Variants in PEX6 observed in about 807,000 individuals in gnomAD.
PEX6 encodes the protein peroxisome biogenesis factor 6.
In PEX6, 55 loss-of-function variants were observed where a neutral mutation model predicts 85.6. That is an observed-to-expected ratio of 0.64 (90% CI 0.52 to 0.80). The LOEUF (loss-of-function observed/expected upper bound fraction) is 0.80, where lower values mean the gene tolerates loss of function less well. Among genes scored for constraint, PEX6 ranks in the 30% least tolerant of loss-of-function variants. The pLI is 0.00. For synonymous variants in PEX6, 519 were observed against 549.1 expected (o/e 0.95, Z 0.77); for missense variants, 1,099 against 1,260.3 (o/e 0.87, Z 1.94).
rs267608228 is a variant in PEX6 at position 42,966,785 on chromosome 6, G to C, written c.1958C>G (p.Ser653Ter). Residue 653 changes from serine to a stop codon, truncating the protein, a stop_gained, in exon 9 of 17, where the codon TCA becomes TGA. Transcript: ENST00000304611. LOFTEE classifies it high-confidence loss of function. ...TCCGGTGCCCACGTCCTCTTACCCT[G>C]AGTTCTTGATCCTGGTGCAGGCTGC... is the stretch of plus-strand genomic sequence containing the variant. ...SRAACTRIKN[S>*]GLAGGLTEED... is the part of the protein sequence containing the mutation. The C allele has an allele frequency of 1.9e-6, 3 of 1,613,828 alleles. No individual in the cohort carries two copies. Among genetic ancestry groups the C allele is most frequent in the Non-Finnish European group, 2.5e-6 (3 of 1,179,970 alleles).
Position 42,966,285 on chromosome 6 carries a change from G to A in PEX6, c.2257C>T (p.Leu753=), listed in dbSNP as rs771551469. Residue 753 remains leucine (L), a synonymous_variant, in exon 11 of 17, where the codon CTG becomes TTG. Coordinates refer to ENST00000304611, the MANE Select transcript of PEX6 (RefSeq NM_000287.4). The stretch of plus-strand genomic sequence containing the variant: ...CACTCAGTGGCTACTGCCTTGGCCA[G>A]AAGGGTCTTGCCGGTGCCAGGGGGC... The part of the protein sequence containing the change: ...HGPPGTGKTL[L]AKAVATECSL... 5 of 1,612,364 alleles carry A rather than the reference G, an allele frequency of 3.1e-6. No individual in the cohort carries two copies. Among genetic ancestry groups the A allele is most frequent in the Non-Finnish European group, 4.2e-6 (5 of 1,179,964 alleles).
rs979697347 is a variant in PEX6, at chr6:42,964,388, C to T, written c.2890G>A (p.Glu964Lys). 3.7e-6 allele frequency: 6 copies of T among 1,613,884 alleles called. No individual in the cohort carries two copies. The highest frequency in any genetic ancestry group is 5.1e-6 in the Non-Finnish European group (6 of 1,180,022). Residue 964 changes from glutamate to lysine, a missense_variant, in exon 17 of 17, where the codon GAG (glutamate) becomes AAG (lysine). Physicochemically the swap from Glu to Lys is moderately conservative, Grantham distance 56. Coordinates refer to ENST00000304611, the MANE Select transcript of PEX6 (RefSeq NM_000287.4). This position sits in a 1 kb window ranked among gnomAD's most constrained non-coding sequence, Gnocchi z 4.6. ...AAARLQPSVSEQELLRYKRIQ... is the reference protein window; with the variant it reads ...AAARLQPSVSKQELLRYKRIQ... Reference sequence around the variant, plus strand: ...CGCTTGTACCGGAGCAGCTCCTGCTCACTGACTGAGGGTTGCAGCCGGGCG... The same window carrying T: ...CGCTTGTACCGGAGCAGCTCCTGCTTACTGACTGAGGGTTGCAGCCGGGCG...
chr6:42,968,194 C>A, intron 7 of PEX6, 96 bp downstream of exon 7: 1 of 1,039,836 alleles, frequency 9.6e-7, no homozygotes. Flanking sequence ...AGGTGATCCA[C>A]CTGCCTCGGC....
intron 6 of PEX6, 106 bp from the exon 7 acceptor site, chr6:42,968,604 A>G (rs1769935717): frequency 2.8e-6 from 3 of 1,070,726 alleles, no homozygotes; most frequent in Non-Finnish European, 4.1e-6. Flanking sequence ...TTTTCTCTGG[A>G]GGGCAGGGAC....
rs747708705 is a variant in PEX6, at chr6:42,966,376, C to T, written c.2166G>A (p.Gln722=). The T allele has an allele frequency of 8.1e-6, 13 of 1,614,090 alleles. No individual in the cohort carries two copies. The highest frequency in any genetic ancestry group is 1.1e-5 in the Non-Finnish European group (13 of 1,179,998). ...EVKKEILETI[Q]LPLEHPELLS... The stretch of plus-strand genomic sequence containing the variant: ...GTAGCTCAGGGTGCTCCAGGGGGAG[C>T]TGAATGGTCTCCAGGATCTCCTTCT... Residue 722 remains glutamine, a synonymous_variant, in exon 11 of 17, where the codon CAG becomes CAA. Transcript: ENST00000304611.
rs1399833040 is a variant in PEX6 at position 42,964,443 on chromosome 6, C to A, written c.2835G>T (p.Met945Ile). 6.2e-7 allele frequency: 1 copy of A among 1,613,814 alleles called. No individual in the cohort carries two copies. Among genetic ancestry groups the A allele is most frequent in the East Asian group, 2.2e-5 (1 of 44,886 alleles). ...EGLEPGSSALMLTMEDLLQAA... is the reference protein window; with the variant it reads ...EGLEPGSSALILTMEDLLQAA... ...CCTGCAGCAAGTCCTCCATGGTGAG[C>A]ATCAGTGCTGAGCTACCTGGCTCCA... The change falls in exon 17 of 17, where the codon ATG becomes ATT. Residue 945 changes from methionine to isoleucine, a missense_variant. Coordinates refer to ENST00000304611, the MANE Select transcript of PEX6 (RefSeq NM_000287.4). This position sits in a 1 kb window ranked among gnomAD's most constrained non-coding sequence, Gnocchi z 4.6.
At position 42,967,547 on chromosome 6, in the gene PEX6, C is replaced by T; in HGVS notation, c.1705G>A (p.Val569Ile). The T allele has an allele frequency of 1.9e-6, 3 of 1,603,082 alleles. No homozygotes were observed. Among genetic ancestry groups the T allele is most frequent in the Non-Finnish European group, 2.6e-6 (3 of 1,175,766 alleles). Residue 569 changes from valine (V) to isoleucine (I), a missense_variant, in exon 8 of 17, where the codon GTT becomes ATT. Val to Ile is a conservative substitution (Grantham distance 29, BLOSUM62 3). Around this residue, in one of 3 missense-constraint regions of PEX6, gnomAD observed 514 missense variants for 627.0 expected, o/e 0.82. Coordinates refer to ENST00000304611, the MANE Select transcript of PEX6 (RefSeq NM_000287.4). ...TGGGCCCGGCTTGTGGTGGCCACAA[C>T]CATGAGGGGAGGGCAGCTGCAGACA... is the stretch of plus-strand genomic sequence containing the variant. ...DPLNSCPPLM[V>I]VATTSRAQDL...
In PEX6 at chr6:42,978,448, A is replaced by C. The variant is rs200151586; in HGVS notation, c.703T>G (p.Ser235Ala). 6.2e-7 allele frequency: 1 copy of C among 1,614,012 alleles called. No homozygotes were observed. The highest frequency in any genetic ancestry group is 8.5e-7 in the Non-Finnish European group (1 of 1,179,988). Residue 235 changes from serine to alanine, a missense_variant, in exon 1 of 17, where the codon TCA (serine) becomes GCA (alanine). Around this residue, in one of 3 missense-constraint regions of PEX6, gnomAD observed 579 missense variants for 611.6 expected, o/e 0.95. Transcript: ENST00000304611. The part of the protein sequence containing the change: ...VAQARESSNT[S>A]QPHLARVQVL... ...TGCACCCTAGCCAAGTGCGGCTGTG[A>C]AGTGTTCGATGACTCTCTGGCCTGG...
chr6:42,974,442 GTT>G (rs71855084), intron 2 of PEX6, among the ~76,000 whole-genome samples: 1 of 115,946 alleles, frequency 8.6e-6, no homozygotes, highest in African/African-American at 3.4e-5. Context: ...TGTCTGAAAT[GTT>G]TTTTTTGTTT....
rs775778545 is a variant in PEX6, at chr6:42,965,347, G to C, written c.2493C>G (p.Ala831=). The C allele has an allele frequency of 6.2e-7, 1 of 1,613,580 alleles. No individual in the cohort carries two copies. The highest frequency in any genetic ancestry group is 8.5e-7 in the Non-Finnish European group (1 of 1,179,758). The change falls in exon 14 of 17, where the codon GCC becomes GCG. Residue 831 remains alanine (A), a synonymous_variant. Coordinates refer to ENST00000304611, the MANE Select transcript of PEX6 (RefSeq NM_000287.4). The surrounding 1 kb of genome is among the most constrained non-coding windows in gnomAD (Gnocchi z 5.0). ...GAGTGCTGTGCAGCCCATCTAGCTC[G>C]GCAAGGAGCTGAGACACCACCCTGG... is the stretch of plus-strand genomic sequence containing the variant. ...VMDRVVSQLL[A]ELDGLHSTQD...
Position 42,969,649 on chromosome 6 carries a change from G to A in PEX6, c.1367+19C>T. On this transcript the variant is annotated intron_variant, in intron 5 of 16. Transcript: ENST00000304611. ...CTAAGCAGGCTTTTCTCACACCCTG[G>A]GGTGATGACCTCACTCACCCTGGCT... 1.9e-6 allele frequency: 3 copies of A among 1,612,022 alleles called. No homozygotes were observed. The highest frequency in any genetic ancestry group is 2.5e-6 in the Non-Finnish European group (3 of 1,179,778).
Position 42,978,583 on chromosome 6 carries a change from T to G in PEX6, c.568A>C (p.Thr190Pro). 6.2e-7 allele frequency: 1 copy of G among 1,611,562 alleles called. No individual in the cohort carries two copies. Residue 190 changes from threonine (T) to proline (P), a missense_variant, in exon 1 of 17, where the codon ACA (threonine) becomes CCA (proline). Transcript: ENST00000304611. ...PVVSSFAVSG[T>P]VRRLQGVLGG... ...AGAACTCCCTGGAGTCGCCGCACTG[T>G]GCCAGAAACCGCAAAGGAGGACACC...
At position 42,967,458 on chromosome 6, in the gene PEX6, C is replaced by T. The variant is rs1305145742; in HGVS notation, c.1794G>A (p.Glu598=). The T allele has an allele frequency of 6.2e-7, 1 of 1,612,384 alleles. No homozygotes were observed. Among genetic ancestry groups the T allele is most frequent in the East Asian group, 2.2e-5 (1 of 44,864 alleles). Reference sequence around the variant, plus strand: ...CCCGCAGGATGCTGAGCCGCTGCCCCTCTGACAGAGCAGGCACCTCGAGCT... The same window carrying T: ...CCCGCAGGATGCTGAGCCGCTGCCCTTCTGACAGAGCAGGCACCTCGAGCT... ...PHELEVPALS[E]GQRLSILRAL... Residue 598 remains glutamate (E), a synonymous_variant, in exon 8 of 17, where the codon GAG becomes GAA. Transcript: ENST00000304611.
chr6:42,964,400 G>A lies in PEX6; in HGVS notation c.2878C>T (p.Pro960Ser), dbSNP rs1769644652. The change falls in exon 17 of 17, where the codon CCC (proline) becomes TCC (serine). Residue 960 changes from proline (P) to serine (S), a missense_variant. Coordinates refer to ENST00000304611, the MANE Select transcript of PEX6 (RefSeq NM_000287.4). The surrounding 1 kb of genome is among the most constrained non-coding windows in gnomAD (Gnocchi z 4.6). ...DLLQAAARLQ[P>S]SVSEQELLRY... Reference sequence around the variant, plus strand: ...AGCAGCTCCTGCTCACTGACTGAGGGTTGCAGCCGGGCGGCAGCCTGCAGC... The same window carrying A: ...AGCAGCTCCTGCTCACTGACTGAGGATTGCAGCCGGGCGGCAGCCTGCAGC... 6.2e-6 allele frequency: 10 copies of A among 1,613,736 alleles called. No homozygotes were observed. The East Asian group carries it at 1.1e-4, about 18-fold the overall frequency.
In PEX6 at chr6:42,979,005, C is replaced by T; in HGVS notation, c.146G>A (p.Gly49Glu). The change falls in exon 1 of 17, where the codon GGG becomes GAG. Residue 49 changes from glycine (G) to glutamate (E), a missense_variant. Gly to Glu is a moderately conservative substitution (Grantham distance 98). Around this residue, in one of 3 missense-constraint regions of PEX6, gnomAD observed 579 missense variants for 611.6 expected, o/e 0.95. Coordinates refer to ENST00000304611, the MANE Select transcript of PEX6 (RefSeq NM_000287.4). The part of the protein sequence containing the change: ...ALRPAGESPA[G>E]PALLVAALEG... ...CAGGGCTGCCACCAGCAGCGCCGGCCCTGCCGGGCTCTCCCCTGCAGGCCT... is the reference window on the plus strand; with the variant it reads ...CAGGGCTGCCACCAGCAGCGCCGGCTCTGCCGGGCTCTCCCCTGCAGGCCT... 1 of 1,515,540 alleles carries T rather than the reference C, an allele frequency of 6.6e-7. No homozygotes were observed. The highest frequency in any genetic ancestry group is 8.8e-7 in the Non-Finnish European group (1 of 1,139,056). 93.9% of individuals were successfully genotyped at this position (1,515,540 alleles called of 1,614,324 possible). A position where few individuals can be genotyped will look rare whatever the true frequency, so the allele number is the denominator to read the frequency against.
At chr6:42,969,537 A>C (rs1357950829) in intron 5 of PEX6, 131 bp downstream of exon 5, 2 of 1,113,514 alleles carry the variant, frequency 1.8e-6, no homozygotes, top group Non-Finnish European at 2.7e-6. Flanking sequence ...TGTGTAGGAC[A>C]TACTGGTTTG....
rs772306088 is a variant in PEX6 at position 42,965,045 on chromosome 6, C to T, written c.2666+30G>A. Reference sequence around the variant, plus strand: ...CCCCTAAGCATCCCAAGGCCCAAGCCCTTCGCAGTCTTCCTCTAACAGAGC... The same window carrying T: ...CCCCTAAGCATCCCAAGGCCCAAGCTCTTCGCAGTCTTCCTCTAACAGAGC... On this transcript the variant is annotated intron_variant, in intron 15 of 16. Transcript: ENST00000304611. The surrounding 1 kb of genome is among the most constrained non-coding windows in gnomAD (Gnocchi z 5.0). 2 of 1,613,310 alleles carry T rather than the reference C, an allele frequency of 1.2e-6. No homozygotes were observed. The highest frequency in any genetic ancestry group is 8.5e-7 in the Non-Finnish European group (1 of 1,179,236).
At chr6:42,974,793 G>T in intron 2 of PEX6, 82 bp downstream of exon 2, 1 of 1,297,404 alleles carries the variant, frequency 7.7e-7, no homozygotes, top group Non-Finnish European at 1.1e-6. Flanking sequence ...AGGGCCTCTG[G>T]GGTACTTGGT....
chr6:42,977,699 G>A (rs1382259215), intron 1 of PEX6, among the ~76,000 whole-genome samples: 4 of 141,528 alleles, frequency 2.8e-5, no homozygotes, highest in Non-Finnish European at 6.1e-5. Flanking sequence ...AACCTGGGAG[G>A]CGGAGGTTGC....
Sources: gnomAD v4.1 joint callset for allele counts (sites outside exome capture counted in the v4.1 genomes callset) on GRCh38, gnomAD v4.1.1 for gene constraint, gnomAD v4.1.1 regional missense constraint, Gnocchi (gnomAD v3.1) non-coding constraint, MANE v1.5 for transcripts, NCBI Gene and HGNC (gene_info 2026-07-23, HGNC 2026-07-21) for gene names.